TMEM114: variants seen among roughly 807,000 people sequenced by gnomAD.
The protein encoded by TMEM114 is transmembrane protein 114, also known as claudin-26.
TMEM114 carries 6 observed loss-of-function variants against 6.2 expected under a neutral mutation model. The observed-to-expected ratio is 0.97, with a 90% CI of 0.53 to 1.91. TMEM114 has a LOEUF of 1.91. TMEM114 is among the 40% of genes most tolerant of loss of function. The probability of loss-of-function intolerance (pLI) is 0.01; values close to 1 mark genes in which losing one functional copy is unlikely to be tolerated. For missense variants in TMEM114, 218 were observed against 158.3 expected, an observed-to-expected ratio of 1.38 and a Z score of -2.02; for synonymous variants, 104 against 73.0, an observed-to-expected ratio of 1.42 and a Z score of -2.16.
At chr16:8,562,970 GAGTGATGGAGGGAAGGAGTGAGT>G (rs1901323595) in intron 2 of TMEM114, among the ~76,000 whole-genome samples, 12 of 92,312 alleles carry the variant, frequency 1.3e-4, no homozygotes, top group African/African-American at 4.1e-4. Context: ...ATGAGTGAGA[GAGTGATGGAGGGAAGGAGTGAGT>G]GAATGAGTGA....
At chr16:8,577,469 C>T (rs1317701089) in intron 2 of TMEM114, among the ~76,000 whole-genome samples, 2 of 152,234 alleles carry the variant, frequency 1.3e-5, no homozygotes, top group African/African-American at 4.8e-5. Flanking sequence ...GTCCCTTCAC[C>T]TCTGTGAGCC....
downstream of TMEM114, among the ~76,000 whole-genome samples, chr16:8,566,658 C>T (rs151308814): frequency 4.3e-3 from 653 of 152,270 alleles, 2 homozygotes; most frequent in Middle Eastern, 0.048. Context: ...TCTCTCCCTG[C>T]CTCTACCTTC....
chr16:8,581,472 G>A (rs1902145997), intron 2 of TMEM114, among the ~76,000 whole-genome samples: 1 of 152,178 alleles, frequency 6.6e-6, no homozygotes, highest in Non-Finnish European at 1.5e-5. Context: ...GTGTGTGTGA[G>A]AGACAGGGTC....
chr16:8,580,723 C>G (rs1403597427), intron 2 of TMEM114, among the ~76,000 whole-genome samples: 2 of 152,180 alleles, frequency 1.3e-5, no homozygotes, highest in Non-Finnish European at 2.9e-5. Flanking sequence ...TAGGGTCTCA[C>G]TCTGACACCC....
downstream of TMEM114, among the ~76,000 whole-genome samples, chr16:8,533,337 G>C (rs149732798): frequency 1.4e-3 from 218 of 152,348 alleles, 1 homozygote; most frequent in African/African-American, 4.9e-3. Flanking sequence ...CCAAGGCAGA[G>C]TATTCTGGGA....
chr16:8,584,620 G>T (rs1567211618), intron 2 of TMEM114, among the ~76,000 whole-genome samples: 1 of 152,066 alleles, frequency 6.6e-6, no homozygotes, highest in Non-Finnish European at 1.5e-5. Flanking sequence ...CTGTTTTCAT[G>T]CTGCTAATAA....
chr16:8,563,252 A>C (rs1017947711), intron 2 of TMEM114, among the ~76,000 whole-genome samples: 1 of 151,860 alleles, frequency 6.6e-6, no homozygotes, highest in Non-Finnish European at 1.5e-5. Context: ...TGAGTCAGTG[A>C]GTGAATGAAT....
chr16:8,558,126 G>A (rs1901074020), intron 2 of TMEM114, among the ~76,000 whole-genome samples: 1 of 152,056 alleles, frequency 6.6e-6, no homozygotes, highest in South Asian at 2.1e-4. Context: ...TGTGGTGCAT[G>A]CTTGTAATCC....
intron 2 of TMEM114, among the ~76,000 whole-genome samples, chr16:8,552,741 G>A (rs1262855980): frequency 6.7e-6 from 1 of 148,562 alleles, no homozygotes; most frequent in Admixed American, 6.7e-5. Flanking sequence ...GTGCTCTAAG[G>A]TCCTACCTGC....
intron 2 of TMEM114, among the ~76,000 whole-genome samples, chr16:8,543,328 G>A (rs1367158079): frequency 6.6e-6 from 1 of 152,176 alleles, no homozygotes; most frequent in East Asian, 1.9e-4. Flanking sequence ...AGAACCCAAA[G>A]ACCAAGGTCC....
chr16:8,562,287 AGTG>A (rs576330213), intron 2 of TMEM114, among the ~76,000 whole-genome samples: 13,321 of 150,838 alleles, frequency 0.088, 727 homozygotes, highest in Middle Eastern at 0.16. Flanking sequence ...TGAGTGAGTG[AGTG>A]AGTGAATGAG....
rs1409470584 is a variant in TMEM114, at chr16:8,562,620, G to GGAAA, written n.213-24795_213-24794insTTTC. ...AATGAGTGAGTGAGTGAATGAGTGAGTGAGTGAATGAATCAGTCAGTAAGT... is the reference window on the plus strand; with the variant it reads ...AATGAGTGAGTGAGTGAATGAGTGAGGAAATGAGTGAATGAATCAGTCAGTAAGT... On this transcript the variant is annotated intron_variant and non_coding_transcript_variant, in intron 2 of 2. Coordinates refer to the TMEM114 transcript ENST00000623677. Among the ~76,000 whole-genome samples, 6 of 150,922 alleles carry GGAAA rather than the reference G, an allele frequency of 4.0e-5. No homozygotes were observed. The East Asian group carries it at 1.2e-3, about 29-fold the overall frequency.
chr16:8,583,983 G>A lies in TMEM114; in HGVS notation c.301+5230C>T, dbSNP rs147125019. Among the ~76,000 whole-genome samples, 147 of 152,276 alleles carry A rather than the reference G, an allele frequency of 9.7e-4. 2 individuals are homozygous for A. Among genetic ancestry groups the A allele is most frequent in the African/African-American group, 3.5e-3 (146 of 41,556 alleles). On this transcript the variant is annotated intron_variant, in intron 2 of 3. Coordinates refer to ENST00000620492, the MANE Select transcript of TMEM114 (RefSeq NM_001146336.2). ...CCAATCAGCATATTCCATCCCCTTG[G>A]CTGGAGGGATTGGCTCAGGACTGAG...
At chr16:8,565,657 C>T (rs1901517203), downstream of TMEM114, among the ~76,000 whole-genome samples, 1 of 152,210 alleles carries the variant, frequency 6.6e-6, no homozygotes, top group South Asian at 2.1e-4. Context: ...TGGGAGGCCC[C>T]TCCCTGTACT....
At chr16:8,567,860 A>G (rs1025995395), downstream of TMEM114, among the ~76,000 whole-genome samples, 3 of 152,192 alleles carry the variant, frequency 2.0e-5, no homozygotes, top group African/African-American at 7.2e-5. Flanking sequence ...GGTTGCCCTC[A>G]CTTTGCAAAA....
chr16:8,551,283 G>C (rs2141659031), intron 2 of TMEM114, among the ~76,000 whole-genome samples: 2 of 152,288 alleles, frequency 1.3e-5, no homozygotes, highest in South Asian at 4.1e-4. Context: ...CTGCAAGCAA[G>C]ACCCTCTGAA....
At chr16:8,549,053 G>A (rs1281716040) in intron 2 of TMEM114, among the ~76,000 whole-genome samples, 1 of 152,052 alleles carries the variant, frequency 6.6e-6, no homozygotes, top group Admixed American at 6.6e-5. Context: ...ATGGCAGCAT[G>A]CGCCTGCAGT....
downstream of TMEM114, among the ~76,000 whole-genome samples, chr16:8,567,661 C>G (rs1010791478): frequency 1.3e-5 from 2 of 152,130 alleles, no homozygotes; most frequent in African/African-American, 4.8e-5. Flanking sequence ...CCAAACACTG[C>G]CAAATGTCAG....
At chr16:8,541,295 G>C (rs1350609363) in intron 2 of TMEM114, among the ~76,000 whole-genome samples, 1 of 152,078 alleles carries the variant, frequency 6.6e-6, no homozygotes, top group Non-Finnish European at 1.5e-5. Context: ...CACAGTCCTG[G>C]ACTCAGAGCA....
Sources: gnomAD v4.1 joint callset for allele counts (sites outside exome capture counted in the v4.1 genomes callset) on GRCh38, gnomAD v4.1.1 for gene constraint, MANE v1.5 for transcripts, NCBI Gene and HGNC (gene_info 2026-07-23, HGNC 2026-07-21) for gene names.